Variants in SGCD observed in about 807,000 individuals in gnomAD.
The protein encoded by SGCD is delta-sarcoglycan.
SGCD carries 18 observed loss-of-function variants against 36.6 expected under a neutral mutation model. The observed-to-expected ratio is 0.49, with a 90% CI of 0.34 to 0.73. The LOEUF (loss-of-function observed/expected upper bound fraction) is 0.73. Among genes scored for constraint, SGCD ranks in the 30% least tolerant of loss-of-function variants. The pLI, the probability that SGCD is intolerant of heterozygous loss-of-function variation, is 0.01. For missense variants in SGCD, 387 were observed against 346.7 expected, an observed-to-expected ratio of 1.12 and a Z score of -0.92; for synonymous variants, 133 against 130.6, an observed-to-expected ratio of 1.02 and a Z score of -0.12.
At chr5:155,893,513 G>C (rs1032992075) in intron 1 of SGCD, among the ~76,000 whole-genome samples, 1 of 152,146 alleles carries the variant, frequency 6.6e-6, no homozygotes, top group Non-Finnish European at 1.5e-5. Context: ...TTATATAAAT[G>C]GTTGAGTAAT....
the SGCD span, among the ~76,000 whole-genome samples, chr5:155,749,002 C>CTAATA: frequency 6.6e-6 from 1 of 152,148 alleles, no homozygotes; most frequent in Non-Finnish European, 1.5e-5. Context: ...TTAATAATGA[C>CTAATA]AACTGTGGTT....
chr5:156,401,015 A>G (rs1431160337), intron 3 of SGCD, among the ~76,000 whole-genome samples: 1 of 152,176 alleles, frequency 6.6e-6, no homozygotes, highest in East Asian at 1.9e-4. Flanking sequence ...ATGCTGATTA[A>G]CCTCCTAGAC....
At chr5:156,324,141 C>A (rs943151815), upstream of SGCD, among the ~76,000 whole-genome samples, 1 of 152,170 alleles carries the variant, frequency 6.6e-6, no homozygotes, top group Non-Finnish European at 1.5e-5. Flanking sequence ...GATGGTAAGA[C>A]TGGTTCCAAG....
At chr5:156,755,844 G>C (rs755067636) in intron 7 of SGCD, among the ~76,000 whole-genome samples, 8 of 152,152 alleles carry the variant, frequency 5.3e-5, no homozygotes, top group Non-Finnish European at 1.0e-4. Context: ...CATTGTAGGG[G>C]GGGACAATTC....
At chr5:156,561,840 A>T (rs985485153) in intron 4 of SGCD, among the ~76,000 whole-genome samples, 4 of 152,182 alleles carry the variant, frequency 2.6e-5, no homozygotes, top group Non-Finnish European at 5.9e-5. Flanking sequence ...CAACTCTCAC[A>T]TTCATGATCT....
At chr5:156,030,356 A>G (rs1364801930) in intron 1 of SGCD, among the ~76,000 whole-genome samples, 6 of 152,154 alleles carry the variant, frequency 3.9e-5, no homozygotes, top group African/African-American at 1.4e-4. Flanking sequence ...ATGGCTTAAT[A>G]ATGTTCTTAT....
the SGCD span, among the ~76,000 whole-genome samples, chr5:155,772,225 G>A: frequency 6.6e-6 from 1 of 152,142 alleles, no homozygotes; most frequent in East Asian, 1.9e-4. Flanking sequence ...TAAGGAGGGC[G>A]CTGTTTCTCA....
At chr5:156,178,238 A>G (rs80283450) in intron 3 of SGCD, among the ~76,000 whole-genome samples, 2,187 of 152,338 alleles carry the variant, frequency 0.014, 25 homozygotes, top group Non-Finnish European at 0.024. Flanking sequence ...TTGAATCATT[A>G]TAAGTTGGGC....
the SGCD span, among the ~76,000 whole-genome samples, chr5:155,778,224 A>G: frequency 2.0e-5 from 3 of 152,272 alleles, no homozygotes; most frequent in South Asian, 4.1e-4. Context: ...TTTGAAGTGT[A>G]TGTTTTGTGT....
intron 1 of SGCD, among the ~76,000 whole-genome samples, chr5:155,991,689 A>T (rs1712295725): frequency 6.6e-6 from 1 of 152,204 alleles, no homozygotes; most frequent in Non-Finnish European, 1.5e-5. Context: ...CTCCATTTAT[A>T]ACTGTCATCT....
intron 1 of SGCD, among the ~76,000 whole-genome samples, chr5:155,935,714 T>C (rs1407520848): frequency 6.6e-6 from 1 of 152,064 alleles, no homozygotes; most frequent in East Asian, 1.9e-4. Context: ...ACAGGAGCCT[T>C]GGGGTGTTGC....
intron 3 of SGCD, among the ~76,000 whole-genome samples, chr5:156,448,047 T>A (rs1414328479): frequency 3.3e-5 from 5 of 152,166 alleles, no homozygotes. Context: ...TCTGTCTGAA[T>A]TCTAGATCTG....
intron 1 of SGCD, among the ~76,000 whole-genome samples, chr5:156,037,556 T>C (rs1448809574): frequency 6.6e-6 from 1 of 152,186 alleles, no homozygotes; most frequent in Non-Finnish European, 1.5e-5. Context: ...TTAGGACACA[T>C]AAAACATCTT....
intron 1 of SGCD, among the ~76,000 whole-genome samples, chr5:155,960,810 C>T (rs1400503299): frequency 1.3e-5 from 2 of 152,106 alleles, no homozygotes; most frequent in East Asian, 3.9e-4. Context: ...TTATAATCCA[C>T]TCAAGGACAA....
chr5:156,106,420 C>T (rs941607004), intron 1 of SGCD, among the ~76,000 whole-genome samples: 5 of 152,304 alleles, frequency 3.3e-5, no homozygotes, highest in African/African-American at 1.2e-4. Context: ...GAGCTTGTTT[C>T]TCCCTGAGAT....
intron 3 of SGCD, among the ~76,000 whole-genome samples, chr5:156,134,782 C>T (rs928474875): frequency 2.6e-5 from 4 of 151,988 alleles, no homozygotes; most frequent in South Asian, 2.1e-4. Context: ...CAACATGGCA[C>T]GTGTATACAT....
At chr5:156,756,375 C>A (rs1235738104) in intron 7 of SGCD, among the ~76,000 whole-genome samples, 1 of 152,118 alleles carries the variant, frequency 6.6e-6, no homozygotes, top group African/African-American at 2.4e-5. Context: ...TAGCAAGACG[C>A]TATCTCTACA....
At chr5:155,969,044 G>A (rs1757957886) in intron 1 of SGCD, among the ~76,000 whole-genome samples, 2 of 152,036 alleles carry the variant, frequency 1.3e-5, no homozygotes, top group Non-Finnish European at 2.9e-5. Context: ...CATCTGTTAT[G>A]TATATACCAC....
intron 3 of SGCD, among the ~76,000 whole-genome samples, chr5:156,468,063 A>T (rs530135407): frequency 2.0e-5 from 3 of 152,150 alleles, no homozygotes; most frequent in Non-Finnish European, 2.9e-5. Flanking sequence ...AATATTTATA[A>T]ATTGGCCAGG....
Sources: allele counts gnomAD v4.1 joint callset (sites outside exome capture counted in the v4.1 genomes callset), GRCh38; gene constraint gnomAD v4.1.1; transcripts MANE v1.5; gene names NCBI Gene and HGNC (gene_info 2026-07-23, HGNC 2026-07-21).